Variants in PURG observed in about 807,000 individuals in gnomAD.
PURG encodes the protein purine rich element binding protein G.
PURG carries 3 observed loss-of-function variants against 24.3 expected under a neutral mutation model. That is an observed-to-expected ratio of 0.12 (90% CI 0.06 to 0.32). PURG has a LOEUF of 0.32. Among genes scored for constraint, PURG ranks in the 10% least tolerant of loss-of-function variants. The probability of loss-of-function intolerance (pLI) is 1.00; values close to 1 mark genes in which losing one functional copy is unlikely to be tolerated. For synonymous variants in PURG, 180 were observed against 173.1 expected (o/e 1.04, Z -0.31); for missense variants, 371 against 439.1 (o/e 0.84, Z 1.39).
At chr8:30,996,383 C>A in exon 2 of PURG, 2 of 373,206 alleles carry the variant, frequency 5.4e-6, no homozygotes, top group East Asian at 4.1e-5. Context: ...AAAACAAAAC[C>A]CAAAAACTGG....
chr8:30,996,684 G>A (rs1210684569), exon 2 of PURG: 6 of 1,610,938 alleles, frequency 3.7e-6, no homozygotes, highest in Non-Finnish European at 5.1e-6. Context: ...TCTGGATTTG[G>A]GGTAATTTGT....
At chr8:31,030,823 TAAA>T, downstream of PURG, 1 of 152,104 alleles carries the variant, frequency 6.6e-6, no homozygotes, top group African/African-American at 2.4e-5. Context: ...GAAAGAGTGT[TAAA>T]GAAGAAGCAT....
intron 1 of PURG, among the ~76,000 whole-genome samples, chr8:31,023,202 G>C (rs887617785): frequency 1.3e-5 from 2 of 152,184 alleles, no homozygotes; most frequent in Admixed American, 1.3e-4. Context: ...TCATTCTATA[G>C]AATTTGTTGA....
At chr8:30,999,946 T>G (rs1362465325) in intron 1 of PURG, among the ~76,000 whole-genome samples, 1 of 149,996 alleles carries the variant, frequency 6.7e-6, no homozygotes. Flanking sequence ...TGCCATGCAA[T>G]GTACATAAGT....
chr8:31,026,352 A>T (rs978658525), downstream of PURG, among the ~76,000 whole-genome samples: 1 of 151,730 alleles, frequency 6.6e-6, no homozygotes, highest in African/African-American at 2.4e-5. Flanking sequence ...CAGGAAGGCA[A>T]GATGGCTAGG....
chr8:31,024,951 G>A (rs1021577814), intron 1 of PURG, among the ~76,000 whole-genome samples: 3 of 151,996 alleles, frequency 2.0e-5, no homozygotes, highest in African/African-American at 7.2e-5. Flanking sequence ...TTAAGTTTAA[G>A]AGGGTAAAAT....
At chr8:31,029,987 C>T (rs988912944), downstream of PURG, among the ~76,000 whole-genome samples, 6 of 151,844 alleles carry the variant, frequency 4.0e-5, no homozygotes, top group Non-Finnish European at 7.4e-5. Context: ...GATTCCTTCA[C>T]GCTACTAGAG....
intron 1 of PURG, among the ~76,000 whole-genome samples, chr8:31,023,648 G>C (rs960230975): frequency 6.6e-6 from 1 of 151,586 alleles, no homozygotes; most frequent in Admixed American, 6.6e-5. Flanking sequence ...ATCCTTTGAC[G>C]TTTCTTAAGG....
chr8:30,996,617 A>C (rs766292005), exon 2 of PURG: 1 of 1,610,644 alleles, frequency 6.2e-7, no homozygotes, highest in South Asian at 1.1e-5. Flanking sequence ...TTTTTGTAGT[A>C]TCATGGGGCT....
chr8:31,027,735 T>C (rs970769823), downstream of PURG, among the ~76,000 whole-genome samples: 1 of 151,770 alleles, frequency 6.6e-6, no homozygotes, highest in African/African-American at 2.4e-5. Flanking sequence ...GATGAATTGT[T>C]AGTACACAGT....
chr8:30,999,842 T>G (rs549185690), intron 1 of PURG, among the ~76,000 whole-genome samples: 1 of 152,144 alleles, frequency 6.6e-6, no homozygotes, highest in African/African-American at 2.4e-5. Context: ...TTTGTGATTA[T>G]GAGGATTCAA....
At position 31,016,584 on chromosome 8, in the gene PURG, A is replaced by AC. The variant is rs1810873428; in HGVS notation, c.864+15334_864+15335insG. Among the ~76,000 whole-genome samples, 7 of 138,046 alleles carry AC rather than the reference A, an allele frequency of 5.1e-5. 1 individual carries two copies. Among genetic ancestry groups the AC allele is most frequent in the East Asian group, 2.1e-4 (1 of 4,708 alleles). The allele number at this position is 138,046 out of a possible 152,430, so 90.6% of individuals were successfully genotyped here. ...AGAATGCAAGTCTACCAAGAACCAA[A>AC]AAAAAAAAAAAAAAAAAAAAAAAAA... On this transcript the variant is annotated intron_variant, in intron 1 of 1. Transcript: ENST00000339382.
Position 31,016,593 on chromosome 8 carries a change from A to C in PURG, c.864+15326T>G, listed in dbSNP as rs1230908181. 1.4e-3 allele frequency among the ~76,000 whole-genome samples: 195 copies of C among 143,880 alleles called. 5 individuals are homozygous for C. The highest frequency in any genetic ancestry group is 7.1e-3 in the Middle Eastern group (2 of 280). 94.4% of individuals were successfully genotyped at this position (143,880 alleles called of 152,430 possible). On this transcript the variant is annotated intron_variant, in intron 1 of 1. Coordinates refer to the PURG transcript ENST00000339382. ...GTCTACCAAGAACCAAAAAAAAAAA[A>C]AAAAAAAAAAAAAAAAGAAAGAACG...
intron 1 of PURG, among the ~76,000 whole-genome samples, chr8:31,020,183 G>A (rs1301618414): frequency 6.6e-6 from 1 of 152,118 alleles, no homozygotes; most frequent in Non-Finnish European, 1.5e-5. Flanking sequence ...AGAGGATACA[G>A]GAAGATGGTA....
At chr8:31,000,842 A>C (rs930292953) in intron 1 of PURG, among the ~76,000 whole-genome samples, 4 of 152,176 alleles carry the variant, frequency 2.6e-5, no homozygotes, top group Admixed American at 6.6e-5. Flanking sequence ...TGAGAGAATT[A>C]ACAAACTTTA....
At chr8:31,013,943 C>T (rs1796382676) in intron 1 of PURG, among the ~76,000 whole-genome samples, 1 of 152,122 alleles carries the variant, frequency 6.6e-6, no homozygotes, top group Non-Finnish European at 1.5e-5. Flanking sequence ...AGGTTAATTG[C>T]CTGGAACATT....
intron 1 of PURG, among the ~76,000 whole-genome samples, chr8:31,003,776 A>C (rs1415107596): frequency 6.6e-6 from 1 of 152,066 alleles, no homozygotes; most frequent in African/African-American, 2.4e-5. Context: ...AAAAACCAAA[A>C]AACAAAAAAA....
At chr8:31,027,604 T>C (rs1811114446), downstream of PURG, among the ~76,000 whole-genome samples, 1 of 151,726 alleles carries the variant, frequency 6.6e-6, no homozygotes, top group Admixed American at 6.6e-5. Flanking sequence ...TAAATGTTTA[T>C]TTTATGGAAA....
intron 1 of PURG, among the ~76,000 whole-genome samples, chr8:31,021,223 A>G (rs1321761773): frequency 1.3e-5 from 2 of 152,196 alleles, no homozygotes; most frequent in Non-Finnish European, 2.9e-5. Context: ...AAAAATATTG[A>G]TAAGATTTAT....
Sources: allele counts gnomAD v4.1 joint callset (sites outside exome capture counted in the v4.1 genomes callset), GRCh38; gene constraint gnomAD v4.1.1; transcripts MANE v1.5; gene names NCBI Gene and HGNC (gene_info 2026-07-23, HGNC 2026-07-21).